Variants in CDH7 observed in about 807,000 individuals in gnomAD.
CDH7 encodes the protein cadherin 7.
Under a neutral mutation model 71.8 loss-of-function variants are expected in CDH7, and 25 were observed. That is an observed-to-expected ratio of 0.35 (90% confidence interval 0.25 to 0.49). The LOEUF is 0.49. CDH7 is among the 20% of genes least tolerant of loss of function. CDH7 has a pLI of 0.99. For synonymous variants in CDH7, 381 were observed against 363.8 expected, an observed-to-expected ratio of 1.05 and a Z score of -0.54; for missense variants, 862 against 974.6, an observed-to-expected ratio of 0.88 and a Z score of 1.54.
intron 2 of CDH7, among the ~76,000 whole-genome samples, chr18:65,786,327 A>G (rs574146334): frequency 1.7e-4 from 26 of 152,268 alleles, no homozygotes; most frequent in Admixed American, 9.8e-4. Context: ...GACATAAAAT[A>G]TATGGATTTT....
At chr18:65,870,489 G>A (rs1417704799) in intron 11 of CDH7, among the ~76,000 whole-genome samples, 1 of 151,990 alleles carries the variant, frequency 6.6e-6, no homozygotes, top group Non-Finnish European at 1.5e-5. Flanking sequence ...AAACATTTCA[G>A]ATGCACTTAC....
intron 2 of CDH7, among the ~76,000 whole-genome samples, chr18:65,770,188 G>A (rs576526415): frequency 6.6e-6 from 1 of 152,208 alleles, no homozygotes; most frequent in South Asian, 2.1e-4. Flanking sequence ...AATTTAAGAT[G>A]TCAAAGGGCA....
rs748042831 is a variant in CDH7 at position 65,809,899 on chromosome 18, G to A, written c.406G>A (p.Glu136Lys). The A allele has an allele frequency of 8.1e-6, 13 of 1,613,996 alleles. No homozygotes were observed. The highest frequency in any genetic ancestry group is 1.3e-5 in the African/African-American group (1 of 74,980). ...GCTCACCAACAAACCCGTGGAGCCC[G>A]AGTCGGAGTTTGTCATCAAAATTCA... is the stretch of plus-strand genomic sequence containing the variant. ...DRLTNKPVEP[E>K]SEFVIKIQDI... Residue 136 changes from glutamate to lysine, a missense_variant, in exon 3 of 12, where the codon GAG becomes AAG. Transcript: ENST00000397968.
chr18:65,858,448 A>G (rs1599056497), intron 8 of CDH7, among the ~76,000 whole-genome samples: 1 of 152,178 alleles, frequency 6.6e-6, no homozygotes, highest in African/African-American at 2.4e-5. Flanking sequence ...GTATGCATTT[A>G]TAATACATGT....
At chr18:65,781,518 A>G (rs939469899) in intron 2 of CDH7, among the ~76,000 whole-genome samples, 1 of 152,188 alleles carries the variant, frequency 6.6e-6, no homozygotes, top group East Asian at 1.9e-4. Context: ...CTTTTTTGGT[A>G]CAAGTTTGGA....
intron 3 of CDH7, 40 bp downstream of exon 3, chr18:65,810,038 T>A (rs1911475981): frequency 1.3e-6 from 2 of 1,509,804 alleles, no homozygotes; most frequent in East Asian, 2.3e-5. Context: ...TTGTGGCCGA[T>A]TTGGGGAGAT....
At chr18:65,874,614 C>T (rs923571837) in intron 11 of CDH7, among the ~76,000 whole-genome samples, 4 of 151,922 alleles carry the variant, frequency 2.6e-5, no homozygotes, top group African/African-American at 9.7e-5. Flanking sequence ...CCAGACTTCA[C>T]CACTGCAAGA....
chr18:65,751,794 C>G (rs1290863602), intron 1 of CDH7, among the ~76,000 whole-genome samples: 1 of 152,210 alleles, frequency 6.6e-6, no homozygotes, highest in Non-Finnish European at 1.5e-5. Context: ...CCCTGCTTCT[C>G]TGAATGCATG....
chr18:65,879,690 A>T (rs1024596601), intron 11 of CDH7, among the ~76,000 whole-genome samples: 2 of 152,178 alleles, frequency 1.3e-5, no homozygotes, highest in East Asian at 3.8e-4. Flanking sequence ...TGTGATTTTT[A>T]GTTTTGATAT....
chr18:65,762,321 G>C (rs897751343), intron 1 of CDH7, among the ~76,000 whole-genome samples: 1 of 152,110 alleles, frequency 6.6e-6, no homozygotes, highest in Admixed American at 6.5e-5. Flanking sequence ...ACATTAAAAT[G>C]ATTTTTAAAA....
Position 65,809,581 on chromosome 18 carries a change from C to T in CDH7, c.211-123C>T, listed in dbSNP as rs1911448693. The T allele has an allele frequency of 6.4e-6, 5 of 787,376 alleles. No homozygotes were observed. In the South Asian group the frequency reaches 7.1e-5, roughly 11 times the overall value. 48.8% of individuals were successfully genotyped at this position (787,376 alleles called of 1,614,324 possible). ...TCTGCTGTGCACAATAAGCGTTCAG[C>T]TTATCTTTCCAAGAACAATAAAATT... On this transcript the variant is annotated intron_variant, in intron 2 of 11. Transcript: ENST00000397968.
chr18:65,840,301 G>A (rs1459055081), intron 6 of CDH7, among the ~76,000 whole-genome samples: 2 of 152,138 alleles, frequency 1.3e-5, no homozygotes, highest in Non-Finnish European at 2.9e-5. Flanking sequence ...GTATGAAAAA[G>A]TATCTGCTAG....
intron 11 of CDH7, among the ~76,000 whole-genome samples, chr18:65,878,226 CT>C (rs1914126210): frequency 6.6e-6 from 1 of 152,126 alleles, no homozygotes; most frequent in South Asian, 2.1e-4. Flanking sequence ...ACACTTTCTA[CT>C]TTGCTTGTTA....
intron 6 of CDH7, among the ~76,000 whole-genome samples, chr18:65,840,750 T>G (rs1341144042): frequency 2.0e-5 from 3 of 152,176 alleles, no homozygotes; most frequent in Non-Finnish European, 4.4e-5. Context: ...TTAAACCTCT[T>G]TCTTTTGTAA....
chr18:65,809,231 G>A (rs1911435174), intron 2 of CDH7, among the ~76,000 whole-genome samples: 1 of 152,154 alleles, frequency 6.6e-6, no homozygotes, highest in Non-Finnish European at 1.5e-5. Context: ...ACAGGGCAGG[G>A]AGGAGGGAGA....
intron 4 of CDH7, among the ~76,000 whole-genome samples, chr18:65,816,595 A>C (rs1911733083): frequency 6.6e-6 from 1 of 152,232 alleles, no homozygotes; most frequent in African/African-American, 2.4e-5. Flanking sequence ...GTGCATTTTT[A>C]TAAATTTCTT....
intron 2 of CDH7, among the ~76,000 whole-genome samples, chr18:65,765,546 G>T (rs1916332674): frequency 6.6e-6 from 1 of 151,326 alleles, no homozygotes; most frequent in African/African-American, 2.4e-5. Flanking sequence ...TATAGAAGAA[G>T]ATGTGAAGAA....
At chr18:65,844,104 A>G (rs1320125034) in intron 7 of CDH7, 39 bp downstream of exon 7, 1 of 1,585,186 alleles carries the variant, frequency 6.3e-7, no homozygotes, top group African/African-American at 1.4e-5. Flanking sequence ...GGTTTTACAA[A>G]CAATGCATTC....
At chr18:65,784,940 C>A (rs772514140) in intron 2 of CDH7, among the ~76,000 whole-genome samples, 9 of 152,028 alleles carry the variant, frequency 5.9e-5, no homozygotes, top group Non-Finnish European at 8.8e-5. Flanking sequence ...ATTAAAACTC[C>A]CTTCCAGAGG....
Sources: gnomAD v4.1 joint callset for allele counts (sites outside exome capture counted in the v4.1 genomes callset) on GRCh38, gnomAD v4.1.1 for gene constraint, MANE v1.5 for transcripts, NCBI Gene and HGNC (gene_info 2026-07-23, HGNC 2026-07-21) for gene names.